Variants in SMAD2 observed in about 807,000 individuals in gnomAD.
SMAD2 encodes SMAD family member 2.
SMAD2 carries 8 observed loss-of-function variants against 64.4 expected under a neutral mutation model. The observed-to-expected ratio is 0.12, with a 90% confidence interval of 0.07 to 0.22. SMAD2 has a LOEUF of 0.22. Ranked by LOEUF, SMAD2 falls within the 10% of genes least tolerant of loss-of-function variation. SMAD2 has a pLI of 1.00. For synonymous variants in SMAD2, 203 were observed against 195.8 expected, an observed-to-expected ratio of 1.04 and a Z score of -0.31; for missense variants, 289 against 561.2, an observed-to-expected ratio of 0.51 and a Z score of 4.90.
chr18:47,832,093 T>A lies in SMAD2; in HGVS notation c.*9734A>T, dbSNP rs1222617896. ...GCTTCCTGCACTAAGAGGCTTTCAA[T>A]CTATTTTGAAGAGGGAAAAACAGAA... On this transcript the variant is annotated 3_prime_UTR_variant, in exon 11 of 11. Coordinates refer to ENST00000262160, the MANE Select transcript of SMAD2 (RefSeq NM_005901.6). 6.6e-6 allele frequency: 1 copy of A among 152,186 alleles called. No individual in the cohort carries two copies. The highest frequency in any genetic ancestry group is 2.4e-5 in the African/African-American group (1 of 41,430). The allele number at this position is 152,186 out of a possible 1,614,324, so 9.4% of individuals were successfully genotyped here.
chr18:47,867,948 G>A lies in SMAD2; in HGVS notation c.655+375C>T, dbSNP rs546939153. On this transcript the variant is annotated intron_variant, in intron 5 of 10. Coordinates refer to ENST00000262160, the MANE Select transcript of SMAD2 (RefSeq NM_005901.6). Reference sequence around the variant, plus strand: ...TTATCTAAGAAAAAGTGATCATTGGGTGGATATTCAGTTACATGTGTTTGG... The same window carrying A: ...TTATCTAAGAAAAAGTGATCATTGGATGGATATTCAGTTACATGTGTTTGG... 2.9e-4 allele frequency among the ~76,000 whole-genome samples: 44 copies of A among 152,234 alleles called. No homozygotes were observed. In the South Asian group the frequency reaches 9.1e-3, roughly 32 times the overall value.
At position 47,875,867 on chromosome 18, in the gene SMAD2, T is replaced by G. The variant is rs74604462; in HGVS notation, c.237-5303A>C. On this transcript the variant is annotated intron_variant, in intron 2 of 10. Transcript: ENST00000262160. ...GCAAGTTATGTAAAAATAGTATCCA[T>G]CACCTATTAAATTGATGTTAATTGG... 6.6e-3 allele frequency among the ~76,000 whole-genome samples: 1,002 copies of G among 152,224 alleles called. 11 individuals are homozygous for G. Among genetic ancestry groups the G allele is most frequent in the African/African-American group, 0.022 (919 of 41,572 alleles).
At chr18:47,897,799 T>G (rs1277830803) in intron 1 of SMAD2, among the ~76,000 whole-genome samples, 1 of 152,190 alleles carries the variant, frequency 6.6e-6, no homozygotes, top group African/African-American at 2.4e-5. Context: ...AAAAATTGTT[T>G]CGCTCCAGAA....
intron 6 of SMAD2, among the ~76,000 whole-genome samples, chr18:47,856,023 G>A (rs983562479): frequency 1.2e-4 from 18 of 152,028 alleles, no homozygotes; most frequent in African/African-American, 3.6e-4. Context: ...ACAATTGAAT[G>A]TTATCCTGCC....
At chr18:47,865,917 G>A (rs942162981) in intron 5 of SMAD2, among the ~76,000 whole-genome samples, 3 of 152,090 alleles carry the variant, frequency 2.0e-5, no homozygotes, top group African/African-American at 7.2e-5. Context: ...GTAATTCCAG[G>A]GAGGAAAAAT....
chr18:47,896,890 T>C, intron 1 of SMAD2, 81 bp from the exon 2 acceptor site: 1 of 1,297,022 alleles, frequency 7.7e-7, no homozygotes, highest in South Asian at 1.3e-5. Flanking sequence ...GAAAGCAAAC[T>C]GCAAAGCAAG....
chr18:47,886,249 AAATC>A (rs2032894196), intron 2 of SMAD2, among the ~76,000 whole-genome samples: 1 of 152,204 alleles, frequency 6.6e-6, no homozygotes, highest in South Asian at 2.1e-4. Context: ...CACAAAATAA[AAATC>A]AACTCAAATC....
At chr18:47,862,568 T>C (rs2144355158) in intron 6 of SMAD2, among the ~76,000 whole-genome samples, 1 of 152,322 alleles carries the variant, frequency 6.6e-6, no homozygotes. Flanking sequence ...TCATATAGAA[T>C]TAGGGCCCAT....
chr18:47,897,219 G>A (rs1448451096), intron 1 of SMAD2, among the ~76,000 whole-genome samples: 5 of 152,040 alleles, frequency 3.3e-5, no homozygotes, highest in African/African-American at 9.7e-5. Context: ...ACTCTCCCCC[G>A]GGTTTTAAAC....
chr18:47,920,259 T>A (rs1407452143), intron 1 of SMAD2: 2 of 152,140 alleles, frequency 1.3e-5, no homozygotes, highest in Non-Finnish European at 2.9e-5. Context: ...GACCTCAATA[T>A]CTCCCAAAGA....
At chr18:47,902,345 A>C (rs1394136114) in intron 1 of SMAD2, among the ~76,000 whole-genome samples, 2 of 152,200 alleles carry the variant, frequency 1.3e-5, no homozygotes, top group African/African-American at 4.8e-5. Flanking sequence ...TAGTTGTTTT[A>C]TTAAGAGTCT....
chr18:47,863,452 T>C (rs2144357624), intron 6 of SMAD2, among the ~76,000 whole-genome samples: 1 of 152,336 alleles, frequency 6.6e-6, no homozygotes, highest in South Asian at 2.1e-4. Context: ...TGTACTTTGA[T>C]TCATTTATCA....
At chr18:47,842,765 T>TG (rs1914098278) in intron 10 of SMAD2, among the ~76,000 whole-genome samples, 1 of 152,198 alleles carries the variant, frequency 6.6e-6, no homozygotes, top group Non-Finnish European at 1.5e-5. Flanking sequence ...CAACTTTCCC[T>TG]GCCAAAGCCA....
intron 7 of SMAD2, among the ~76,000 whole-genome samples, chr18:47,850,404 T>A (rs1387895213): frequency 6.4e-5 from 1 of 15,644 alleles, no homozygotes; most frequent in Non-Finnish European, 1.0e-4. Context: ...TATTATATAT[T>A]ATGTATAATA....
At chr18:47,858,121 C>G (rs1490460359) in intron 6 of SMAD2, among the ~76,000 whole-genome samples, 2 of 151,836 alleles carry the variant, frequency 1.3e-5, no homozygotes, top group Non-Finnish European at 2.9e-5. Flanking sequence ...CACCCACTAT[C>G]CAATTAAAAA....
In SMAD2 at chr18:47,814,103, G is replaced by C. The variant is rs1262812442; in HGVS notation, c.*27724C>G. 6.6e-6 allele frequency: 1 copy of C among 152,188 alleles called. No homozygotes were observed. Among genetic ancestry groups the C allele is most frequent in the Non-Finnish European group, 1.5e-5 (1 of 68,046 alleles). 9.4% of individuals were successfully genotyped at this position (152,188 alleles called of 1,614,324 possible). A position where few individuals can be genotyped will look rare whatever the true frequency, so the allele number is the denominator to read the frequency against. On this transcript the variant is annotated 3_prime_UTR_variant, in exon 11 of 11. Coordinates refer to ENST00000262160, the MANE Select transcript of SMAD2 (RefSeq NM_005901.6). ...GACCAGAACAGGCAAAGGCACTGAA[G>C]CAAGAGAGTCTGGGGCAAGAATGTC... is the stretch of plus-strand genomic sequence containing the variant.
rs1175459900 is a variant in SMAD2, at chr18:47,830,475, G to A, written c.*11352C>T. On this transcript the variant is annotated 3_prime_UTR_variant, in exon 11 of 11. Coordinates refer to ENST00000262160, the MANE Select transcript of SMAD2 (RefSeq NM_005901.6). ...GCCTGTAATCCCAGCTACTCAGGAG[G>A]CTAAGGCAGGAGAATCACTTGAACC... is the stretch of plus-strand genomic sequence containing the variant. 1 of 151,028 alleles carries A rather than the reference G, an allele frequency of 6.6e-6. No individual in the cohort carries two copies. The highest frequency in any genetic ancestry group is 2.0e-4 in the East Asian group (1 of 5,128). 9.4% of individuals were successfully genotyped at this position (151,028 alleles called of 1,614,324 possible).
intron 6 of SMAD2, among the ~76,000 whole-genome samples, chr18:47,859,517 C>G (rs1293192619): frequency 1.3e-5 from 2 of 152,084 alleles, no homozygotes; most frequent in Admixed American, 6.5e-5. Context: ...GATGAAGTAT[C>G]TAGAAAATCC....
In SMAD2 at chr18:47,829,183, T is replaced by C. The variant is rs1214096713; in HGVS notation, c.*12644A>G. 1 of 152,088 alleles carries C rather than the reference T, an allele frequency of 6.6e-6. No homozygotes were observed. The highest frequency in any genetic ancestry group is 1.9e-4 in the East Asian group (1 of 5,186). 9.4% of individuals were successfully genotyped at this position (152,088 alleles called of 1,614,324 possible). A position where few individuals can be genotyped will look rare whatever the true frequency, so the allele number is the denominator to read the frequency against. On this transcript the variant is annotated 3_prime_UTR_variant, in exon 11 of 11. Coordinates refer to ENST00000262160, the MANE Select transcript of SMAD2 (RefSeq NM_005901.6). ...CACCTGATGGAGACGTTTAATTTCT[T>C]CACTACAAGGAATTTCAAACTTATC...
Sources: allele counts gnomAD v4.1 joint callset (sites outside exome capture counted in the v4.1 genomes callset), GRCh38; gene constraint gnomAD v4.1.1; transcripts MANE v1.5; gene names NCBI Gene and HGNC (gene_info 2026-07-23, HGNC 2026-07-21).